Variants in PRKAR1B observed in about 807,000 individuals in gnomAD.
PRKAR1B encodes cAMP-dependent protein kinase type I-beta regulatory subunit.
In PRKAR1B, 22 loss-of-function variants were observed where a neutral mutation model predicts 46.5. That is an observed-to-expected ratio of 0.47 (90% CI 0.34 to 0.68). The LOEUF (loss-of-function observed/expected upper bound fraction) is 0.68, where lower values mean the gene tolerates loss of function less well. Among genes scored for constraint, PRKAR1B ranks in the 30% least tolerant of loss-of-function variants. PRKAR1B has a pLI of 0.01. For missense variants in PRKAR1B, 445 were observed against 535.6 expected (o/e 0.83, Z 1.67); for synonymous variants, 259 against 217.7 (o/e 1.19, Z -1.67).
Position 645,468 on chromosome 7 carries a change from T to C in PRKAR1B, c.440+31761A>G, listed in dbSNP as rs549508732. ...GGGTTCAAGACCAGCCCAAGCAACA[T>C]AGCAAGACCCTGTCTCTACTAAAAA... is the stretch of plus-strand genomic sequence containing the variant. On this transcript the variant is annotated intron_variant, in intron 4 of 10. Coordinates refer to ENST00000537384, the MANE Select transcript of PRKAR1B (RefSeq NM_001164760.2). Among the ~76,000 whole-genome samples, 12 of 152,160 alleles carry C rather than the reference T, an allele frequency of 7.9e-5. No homozygotes were observed. The East Asian group carries it at 2.3e-3, about 29-fold the overall frequency.
chr7:559,178 G>A (rs993845669), intron 9 of PRKAR1B, among the ~76,000 whole-genome samples: 4 of 152,224 alleles, frequency 2.6e-5, no homozygotes, highest in Non-Finnish European at 4.4e-5. Flanking sequence ...CAGAGGGGAG[G>A]CAGACACAAC....
chr7:697,782 T>C (rs1261777303), intron 2 of PRKAR1B, among the ~76,000 whole-genome samples: 11 of 150,384 alleles, frequency 7.3e-5, no homozygotes, highest in African/African-American at 2.2e-4. Context: ...AGTGGCAAGG[T>C]TGGAAGAGAA....
intron 4 of PRKAR1B, among the ~76,000 whole-genome samples, chr7:643,764 A>C (rs539527503): frequency 1.3e-5 from 2 of 152,136 alleles, no homozygotes; most frequent in South Asian, 4.2e-4. Context: ...CCAGCTATTA[A>C]AGCCCAGAGC....
chr7:683,443 T>A (rs923281437), intron 2 of PRKAR1B, among the ~76,000 whole-genome samples: 1 of 152,032 alleles, frequency 6.6e-6, no homozygotes, highest in African/African-American at 2.4e-5. Flanking sequence ...CACACCAAGG[T>A]AGAGGATGCA....
intron 1 of PRKAR1B, among the ~76,000 whole-genome samples, chr7:718,254 AT>A (rs1780947976): frequency 9.3e-5 from 6 of 64,668 alleles, no homozygotes; most frequent in African/African-American, 3.6e-4. Context: ...AGCTTTATAG[AT>A]ACACACACAC....
At chr7:579,833 C>G (rs994081453) in intron 8 of PRKAR1B, among the ~76,000 whole-genome samples, 19 of 152,172 alleles carry the variant, frequency 1.2e-4, no homozygotes, top group Admixed American at 9.8e-4. Flanking sequence ...AGTGGGCTCA[C>G]GCCTATAAAT....
chr7:659,086 C>A (rs28548269), intron 4 of PRKAR1B, among the ~76,000 whole-genome samples: 1 of 143,858 alleles, frequency 7.0e-6, no homozygotes, highest in East Asian at 1.9e-4. Flanking sequence ...TGCAGGACGG[C>A]TCACAAACCA....
At chr7:576,959 A>G (rs1365748880) in intron 9 of PRKAR1B, among the ~76,000 whole-genome samples, 3 of 151,636 alleles carry the variant, frequency 2.0e-5, no homozygotes, top group Admixed American at 2.0e-4. Context: ...GCATCTTCCA[A>G]CGCCATCAGC....
At position 677,731 on chromosome 7, in the gene PRKAR1B, G is replaced by T. The variant is rs539310981; in HGVS notation, c.349-411C>A. Among the ~76,000 whole-genome samples the T allele has an allele frequency of 2.0e-3, 311 of 152,206 alleles. 2 individuals carry two copies. Among genetic ancestry groups the T allele is most frequent in the African/African-American group, 7.2e-3 (298 of 41,548 alleles). On this transcript the variant is annotated intron_variant, in intron 3 of 10. Transcript: ENST00000537384. ...TGTGAGCCACCGCACCCAGCCTCTTGTTACTTTTGAAATGCAGTCACGTGT... is the reference window on the plus strand; with the variant it reads ...TGTGAGCCACCGCACCCAGCCTCTTTTTACTTTTGAAATGCAGTCACGTGT...
At chr7:662,490 C>T (rs368029485) in intron 4 of PRKAR1B, among the ~76,000 whole-genome samples, 5 of 143,088 alleles carry the variant, frequency 3.5e-5, no homozygotes, top group South Asian at 2.4e-4. Flanking sequence ...TACTCTCCCC[C>T]CCATGCCACA....
rs1045486040 is a variant in PRKAR1B, at chr7:554,251, G to C, written c.892-2781C>G. Among the ~76,000 whole-genome samples the C allele has an allele frequency of 2.0e-5, 3 of 152,214 alleles. No individual in the cohort carries two copies. The South Asian group carries it at 6.2e-4, about 31-fold the overall frequency. ...GCTGTGGCCACTCTGAGAATTCGGT[G>C]CGAGAAAATTTGGTTAGCTGGGGTC... On this transcript the variant is annotated intron_variant, in intron 9 of 10. Transcript: ENST00000537384.
intron 3 of PRKAR1B, among the ~76,000 whole-genome samples, chr7:677,990 G>T (rs564980946): frequency 6.6e-6 from 1 of 152,340 alleles, no homozygotes; most frequent in African/African-American, 2.4e-5. Context: ...ATCTACACAG[G>T]CCGGGCACGG....
At chr7:581,761 C>G (rs62431420) in intron 8 of PRKAR1B, among the ~76,000 whole-genome samples, 63,662 of 151,764 alleles carry the variant, frequency 0.42, 14,011 homozygotes, top group African/African-American at 0.49. Context: ...TGTCACCCAG[C>G]CTGGAGTGCA....
At chr7:575,933 C>T (rs957666722) in intron 9 of PRKAR1B, among the ~76,000 whole-genome samples, 11 of 152,154 alleles carry the variant, frequency 7.2e-5, no homozygotes, top group Non-Finnish European at 1.2e-4. Context: ...CCTCTGCTCA[C>T]GGGCGAACAT....
chr7:676,424 C>T (rs1279404720), intron 4 of PRKAR1B, among the ~76,000 whole-genome samples: 1 of 152,208 alleles, frequency 6.6e-6, no homozygotes, highest in Non-Finnish European at 1.5e-5. Flanking sequence ...AGGTACATCC[C>T]GGCCCCATCT....
Position 550,552 on chromosome 7 carries a change from G to T in PRKAR1B, c.1024C>A (p.Arg342=). Residue 342 remains arginine (R), a synonymous_variant, in exon 11 of 11, where the codon CGG becomes AGG. Transcript: ENST00000537384. ...AGCTTCACACACTTGAGGGGCCCCCGGGCCACGACAGTGGCCGCCCGGGGC... is the reference window on the plus strand; with the variant it reads ...AGCTTCACACACTTGAGGGGCCCCCTGGCCACGACAGTGGCCGCCCGGGGC... The part of the protein sequence containing the change: ...NRPRAATVVA[R]GPLKCVKLDR... 5.0e-6 allele frequency: 8 copies of T among 1,600,526 alleles called. No individual in the cohort carries two copies. Among genetic ancestry groups the T allele is most frequent in the Non-Finnish European group, 6.8e-6 (8 of 1,174,990 alleles).
intron 4 of PRKAR1B, among the ~76,000 whole-genome samples, chr7:617,187 G>C (rs1409548604): frequency 6.6e-6 from 1 of 151,790 alleles, no homozygotes; most frequent in African/African-American, 2.4e-5. Flanking sequence ...AGAGACAGGG[G>C]TTTCACCATG....
At chr7:627,680 G>T (rs1783488759) in intron 4 of PRKAR1B, among the ~76,000 whole-genome samples, 1 of 152,138 alleles carries the variant, frequency 6.6e-6, no homozygotes, top group African/African-American at 2.4e-5. Context: ...ACCCCCCAGG[G>T]TGGGCAGGGG....
At chr7:669,818 A>G (rs1786127140) in intron 4 of PRKAR1B, among the ~76,000 whole-genome samples, 1 of 151,746 alleles carries the variant, frequency 6.6e-6, no homozygotes, top group African/African-American at 2.4e-5. Context: ...ATTTGCCACA[A>G]TGAAAACAAG....
Sources: gnomAD v4.1 joint callset for allele counts (sites outside exome capture counted in the v4.1 genomes callset) on GRCh38, gnomAD v4.1.1 for gene constraint, MANE v1.5 for transcripts, NCBI Gene and HGNC (gene_info 2026-07-23, HGNC 2026-07-21) for gene names.